VAPB: variants seen among roughly 807,000 people sequenced by gnomAD.
VAPB encodes the protein VAMP associated protein B and C, also known as vesicle-associated membrane protein-associated protein B/C.
VAPB carries 7 observed loss-of-function variants against 25.6 expected under a neutral mutation model. The observed-to-expected ratio is 0.27, with a 90% CI of 0.16 to 0.51. VAPB has a LOEUF of 0.51. Ranked by LOEUF, VAPB falls within the 20% of genes least tolerant of loss-of-function variation. The probability of loss-of-function intolerance (pLI) is 0.97; values close to 1 mark genes in which losing one functional copy is unlikely to be tolerated. For missense variants in VAPB, 266 were observed against 301.3 expected, an observed-to-expected ratio of 0.88 and a Z score of 0.87; for synonymous variants, 112 against 109.2, an observed-to-expected ratio of 1.03 and a Z score of -0.16.
Position 58,441,071 on chromosome 20 carries a change from C to CA in VAPB, c.563dup (p.Gln189AlafsTer33). On this transcript the variant is annotated frameshift_variant, in exon 5 of 6. Coordinates refer to ENST00000475243, the MANE Select transcript of VAPB (RefSeq NM_004738.5). LOFTEE classifies it high-confidence loss of function. ...AAGTTCAGAGGCTACGGGAGGAGAA[C>CA]AAGCAGTTCAAGGTAATAGTTTATT... 4 of 1,613,920 alleles carry CA rather than the reference C, an allele frequency of 2.5e-6. No homozygotes were observed. Among genetic ancestry groups the CA allele is most frequent in the Non-Finnish European group, 3.4e-6 (4 of 1,179,952 alleles).
intron 5 of VAPB, 71 bp downstream of exon 5, chr20:58,441,154 G>C: frequency 6.6e-7 from 1 of 1,518,642 alleles, no homozygotes; most frequent in Non-Finnish European, 9.1e-7. Context: ...TGGGGAAGTT[G>C]ATGAGCCAGT....
At chr20:58,390,787 C>T (rs182969673) in intron 1 of VAPB, among the ~76,000 whole-genome samples, 155 of 152,098 alleles carry the variant, frequency 1.0e-3, no homozygotes, top group Non-Finnish European at 1.3e-3. Flanking sequence ...CCAAAGTTAC[C>T]CAGTTGGCAA....
chr20:58,419,382 C>G (rs1279608350), intron 2 of VAPB, among the ~76,000 whole-genome samples: 1 of 152,190 alleles, frequency 6.6e-6, no homozygotes, highest in African/African-American at 2.4e-5. Flanking sequence ...CCAGCTCTCC[C>G]CCTGTGCTTC....
intron 1 of VAPB, among the ~76,000 whole-genome samples, chr20:58,415,542 G>A (rs1326959192): frequency 6.6e-6 from 1 of 152,138 alleles, no homozygotes; most frequent in Non-Finnish European, 1.5e-5. Context: ...AGGAATAGAA[G>A]ATTAAAAATG....
chr20:58,431,561 T>TG (rs955285215), intron 2 of VAPB: 6 of 151,642 alleles, frequency 4.0e-5, no homozygotes, highest in African/African-American at 1.5e-4. Context: ...CTTGTTTGTT[T>TG]TTTTTTTTGT....
At chr20:58,441,371 G>T (rs993426135) in intron 5 of VAPB, among the ~76,000 whole-genome samples, 21 of 152,292 alleles carry the variant, frequency 1.4e-4, no homozygotes, top group African/African-American at 4.8e-4. Flanking sequence ...GCCGGGTGCG[G>T]TGGCTCACGC....
intron 1 of VAPB, among the ~76,000 whole-genome samples, chr20:58,404,807 A>G (rs933438597): frequency 6.6e-6 from 1 of 152,062 alleles, no homozygotes; most frequent in South Asian, 2.1e-4. Context: ...ATGGGCCCCA[A>G]GATTGTTCTG....
chr20:58,413,621 C>T (rs899082412), intron 1 of VAPB, among the ~76,000 whole-genome samples: 11 of 152,008 alleles, frequency 7.2e-5, no homozygotes, highest in South Asian at 6.2e-4. Context: ...TCCACAAAGC[C>T]GCCATTGTCA....
intron 2 of VAPB, among the ~76,000 whole-genome samples, chr20:58,424,590 T>A (rs1309270003): frequency 6.6e-6 from 1 of 152,256 alleles, no homozygotes; most frequent in East Asian, 1.9e-4. Context: ...TTGTATTCCA[T>A]TATAAATGTT....
chr20:58,390,595 C>G (rs1367941465), intron 1 of VAPB, among the ~76,000 whole-genome samples: 1 of 152,076 alleles, frequency 6.6e-6, no homozygotes, highest in Non-Finnish European at 1.5e-5. Flanking sequence ...GTGCTAAGTG[C>G]TGTGTAGGAA....
At chr20:58,439,589 G>T in intron 4 of VAPB, 1 of 159,084 alleles carries the variant, frequency 6.3e-6, no homozygotes, top group Admixed American at 5.9e-5. Context: ...CAGCATCCCT[G>T]GCTTCTGCCC....
intron 1 of VAPB, 94 bp downstream of exon 1, chr20:58,389,611 C>G: frequency 4.4e-6 from 6 of 1,358,176 alleles, no homozygotes; most frequent in Non-Finnish European, 3.9e-6. Context: ...CGGCCCTCGT[C>G]CCCACCCCGA....
At chr20:58,432,498 C>T (rs973765040) in intron 2 of VAPB, 4 of 151,980 alleles carry the variant, frequency 2.6e-5, no homozygotes, top group African/African-American at 9.7e-5. Context: ...CTTTCCTAAA[C>T]TGAAAAATAC....
intron 5 of VAPB, among the ~76,000 whole-genome samples, chr20:58,443,405 T>TTTG (rs1555816174): frequency 1.3e-5 from 2 of 149,324 alleles, no homozygotes; most frequent in African/African-American, 5.0e-5. Context: ...TAGGTTTTTT[T>TTTG]TTTTTTTTTT....
chr20:58,445,958 A>T lies in VAPB; in HGVS notation c.*1723A>T, dbSNP rs1162300374. 2.2e-6 allele frequency: 1 copy of T among 453,932 alleles called. No homozygotes were observed. Among genetic ancestry groups the T allele is most frequent in the Admixed American group, 2.4e-5 (1 of 42,546 alleles). The allele number at this position is 453,932 out of a possible 1,614,324, so 28.1% of individuals were successfully genotyped here. ...GGAAGGCAGTCCTTAGAAGTCACAT[A>T]CGTTGAGCCACGTTGCTCCTAAGCC... On this transcript the variant is annotated 3_prime_UTR_variant, in exon 6 of 6. Coordinates refer to ENST00000475243, the MANE Select transcript of VAPB (RefSeq NM_004738.5).
chr20:58,442,360 A>C (rs914033972), intron 5 of VAPB, among the ~76,000 whole-genome samples: 2 of 152,178 alleles, frequency 1.3e-5, no homozygotes, highest in African/African-American at 4.8e-5. Context: ...TCTCGAGTGT[A>C]TTTCTCTTCT....
chr20:58,409,742 C>T (rs933663368), intron 1 of VAPB, among the ~76,000 whole-genome samples: 1 of 152,004 alleles, frequency 6.6e-6, no homozygotes, highest in African/African-American at 2.4e-5. Flanking sequence ...AATTGGTATA[C>T]AACTTATTTG....
chr20:58,389,323 C>A lies in VAPB; in HGVS notation c.-137C>A. 1.1e-6 allele frequency: 1 copy of A among 944,086 alleles called. No homozygotes were observed. Among genetic ancestry groups the A allele is most frequent in the Non-Finnish European group, 1.6e-6 (1 of 611,330 alleles). The allele number at this position is 944,086 out of a possible 1,614,324, so 58.5% of individuals were successfully genotyped here. ...ACCGACCCCCCCCCAGCGCGCCCACCCGGTAGAGGACCCCCGCCCGTGCCC... is the reference window on the plus strand; with the variant it reads ...ACCGACCCCCCCCCAGCGCGCCCACACGGTAGAGGACCCCCGCCCGTGCCC... On this transcript the variant is annotated 5_prime_UTR_variant, in exon 1 of 6. Coordinates refer to ENST00000475243, the MANE Select transcript of VAPB (RefSeq NM_004738.5).
chr20:58,429,616 G>A (rs1414419884), intron 2 of VAPB, among the ~76,000 whole-genome samples: 1 of 152,214 alleles, frequency 6.6e-6, no homozygotes, highest in African/African-American at 2.4e-5. Flanking sequence ...GATTAGAGGA[G>A]CATAGGGAAC....
Sources: gnomAD v4.1 joint callset for allele counts (sites outside exome capture counted in the v4.1 genomes callset) on GRCh38, gnomAD v4.1.1 for gene constraint, MANE v1.5 for transcripts, NCBI Gene and HGNC (gene_info 2026-07-23, HGNC 2026-07-21) for gene names.